Variants in TMEM263 observed in about 807,000 individuals in gnomAD.
TMEM263 encodes the protein transmembrane protein 263, also known as UPF0444 transmembrane protein C12orf23.
A neutral mutation model predicts 8.6 loss-of-function variants in TMEM263; 5 were observed. That is an observed-to-expected ratio of 0.58 (90% CI 0.31 to 1.23). The LOEUF (loss-of-function observed/expected upper bound fraction) is 1.23. Among genes scored for constraint, TMEM263 ranks in the 50% most tolerant of loss-of-function variants. The pLI, the probability that TMEM263 is intolerant of heterozygous loss-of-function variation, is 0.07. For synonymous variants in TMEM263, 50 were observed against 47.9 expected (o/e 1.04, Z -0.18); for missense variants, 104 against 138.8 (o/e 0.75, Z 1.26).
Position 106,955,958 on chromosome 12 carries a change from C to T in TMEM263, c.-182C>T. On this transcript the variant is annotated 5_prime_UTR_variant, in exon 1 of 4. Coordinates refer to ENST00000280756, the MANE Select transcript of TMEM263 (RefSeq NM_152261.4). ...AGGACGCCTCTGGAGCCGCGACTGC[C>T]CGGGGTTGTGCCGGCCGCCGCTGCC... The T allele has an allele frequency of 2.0e-6, 2 of 986,618 alleles. No homozygotes were observed. Among genetic ancestry groups the T allele is most frequent in the Non-Finnish European group, 2.4e-6 (2 of 831,020 alleles). The allele number at this position is 986,618 out of a possible 1,614,324, so 61.1% of individuals were successfully genotyped here. A position where few individuals can be genotyped will look rare whatever the true frequency, so the allele number is the denominator to read the frequency against.
At position 106,973,580 on chromosome 12, in the gene TMEM263, G is replaced by A. The variant is rs1208762830; in HGVS notation, c.*2189G>A. On this transcript the variant is annotated 3_prime_UTR_variant, in exon 4 of 4. Transcript: ENST00000280756. ...GTTTGTTCAGAGGGGCTTTTGCAAT[G>A]ATAGCAGAAAACTGTACAAATGTAC... 2 of 152,426 alleles carry A rather than the reference G, an allele frequency of 1.3e-5. No individual in the cohort carries two copies. Among genetic ancestry groups the A allele is most frequent in the Non-Finnish European group, 2.9e-5 (2 of 68,006 alleles). 9.4% of individuals were successfully genotyped at this position (152,426 alleles called of 1,614,324 possible). A position where few individuals can be genotyped will look rare whatever the true frequency, so the allele number is the denominator to read the frequency against.
rs1384564491 is a variant in TMEM263 at position 106,971,351 on chromosome 12, A to G, written c.311A>G (p.Lys104Arg). ...VTAVGSAVVN[K>R]VPLTGKKKDK... ...GCTGTTGGGTCTGCTGTTGTAAACAAAGTGCCCTTAACAGGAAAGAAGAAA... is the reference window on the plus strand; with the variant it reads ...GCTGTTGGGTCTGCTGTTGTAAACAGAGTGCCCTTAACAGGAAAGAAGAAA... Residue 104 changes from lysine (K) to arginine (R), a missense_variant, in exon 4 of 4, where the codon AAA becomes AGA. By Grantham distance (26) the Lys-to-Arg change is conservative. Transcript: ENST00000280756. 3.7e-6 allele frequency: 6 copies of G among 1,613,494 alleles called. No individual in the cohort carries two copies. The South Asian group carries it at 6.6e-5, about 18-fold the overall frequency.
At chr12:106,968,441 T>TA (rs1951874516) in intron 3 of TMEM263, among the ~76,000 whole-genome samples, 1 of 151,750 alleles carries the variant, frequency 6.6e-6, no homozygotes, top group Non-Finnish European at 1.5e-5. Flanking sequence ...GCCTGGAAAA[T>TA]TACTAACTCA....
chr12:106,962,739 A>G (rs1168396806), intron 2 of TMEM263, among the ~76,000 whole-genome samples: 2 of 152,218 alleles, frequency 1.3e-5, no homozygotes, highest in Non-Finnish European at 2.9e-5. Flanking sequence ...CAAGTCCTTC[A>G]TCTTCTCTCA....
intron 3 of TMEM263, among the ~76,000 whole-genome samples, chr12:106,968,152 G>T (rs1159619249): frequency 1.3e-5 from 2 of 152,104 alleles, no homozygotes; most frequent in Non-Finnish European, 2.9e-5. Flanking sequence ...GCTGGAGGTT[G>T]TGACTCTAGG....
intron 2 of TMEM263, among the ~76,000 whole-genome samples, chr12:106,962,644 C>T (rs933079452): frequency 4.6e-5 from 7 of 152,310 alleles, no homozygotes; most frequent in Middle Eastern, 3.4e-3. Context: ...CAACTTTATG[C>T]TGAATTTCTG....
chr12:106,965,445 A>T (rs1321769292), intron 2 of TMEM263, among the ~76,000 whole-genome samples: 1 of 151,998 alleles, frequency 6.6e-6, no homozygotes, highest in East Asian at 1.9e-4. Flanking sequence ...CATCTCTACT[A>T]AAAATACAAA....
rs749094798 is a variant in TMEM263, at chr12:106,967,098, G to GTT, written c.-6-4_-6-3dup. The GTT allele has an allele frequency of 5.4e-5, 71 of 1,312,860 alleles. No individual in the cohort carries two copies. Among genetic ancestry groups the GTT allele is most frequent in the African/African-American group, 1.5e-4 (10 of 65,926 alleles). The allele number at this position is 1,312,860 out of a possible 1,614,324, so 81.3% of individuals were successfully genotyped here. A position where few individuals can be genotyped will look rare whatever the true frequency, so the allele number is the denominator to read the frequency against. On this transcript the variant is annotated splice_polypyrimidine_tract_variant and intron_variant, in intron 2 of 3. Transcript: ENST00000280756. Reference sequence around the variant, plus strand: ...AGGTTAAAATGAAATGTGTTTGTATGTTTTTTTTTTAGGAGATCATGAATC... The same window carrying GTT: ...AGGTTAAAATGAAATGTGTTTGTATGTTTTTTTTTTTTAGGAGATCATGAATC...
chr12:106,960,462 C>T (rs1241123012), intron 2 of TMEM263, among the ~76,000 whole-genome samples: 1 of 152,020 alleles, frequency 6.6e-6, no homozygotes, highest in South Asian at 2.1e-4. Flanking sequence ...AGAGTTGCTG[C>T]TTTCTTGTTT....
intron 3 of TMEM263, 126 bp downstream of exon 3, chr12:106,967,306 T>A (rs1338866076): frequency 3.4e-6 from 2 of 594,050 alleles, no homozygotes; most frequent in South Asian, 4.9e-5. Flanking sequence ...CAACCCAGGC[T>A]GGAGTGCAAT....
At chr12:106,965,033 C>T (rs373300570) in intron 2 of TMEM263, among the ~76,000 whole-genome samples, 1 of 152,146 alleles carries the variant, frequency 6.6e-6, no homozygotes, top group East Asian at 1.9e-4. Flanking sequence ...CCATCTCACT[C>T]AGTTAAAAGC....
At chr12:106,960,470 T>A (rs1951756715) in intron 2 of TMEM263, among the ~76,000 whole-genome samples, 1 of 152,214 alleles carries the variant, frequency 6.6e-6, no homozygotes, top group South Asian at 2.1e-4. Context: ...TGCTTTCTTG[T>A]TTATTGATAA....
At chr12:106,970,468 A>T (rs1484739291) in intron 3 of TMEM263, among the ~76,000 whole-genome samples, 1 of 152,252 alleles carries the variant, frequency 6.6e-6, no homozygotes, top group Non-Finnish European at 1.5e-5. Context: ...GTTTGGATTA[A>T]TGCAAGACAG....
At chr12:106,969,458 G>A (rs987832142) in intron 3 of TMEM263, among the ~76,000 whole-genome samples, 6 of 152,176 alleles carry the variant, frequency 3.9e-5, no homozygotes, top group Admixed American at 3.9e-4. Context: ...CGGGCGCAGT[G>A]GCTCACGCCT....
intron 2 of TMEM263, among the ~76,000 whole-genome samples, chr12:106,965,433 C>G (rs952064241): frequency 1.3e-5 from 2 of 151,960 alleles, no homozygotes; most frequent in Non-Finnish European, 2.9e-5. Flanking sequence ...ATGGTGAAAC[C>G]CCATCTCTAC....
intron 2 of TMEM263, among the ~76,000 whole-genome samples, chr12:106,961,339 G>A (rs974072157): frequency 1.4e-5 from 2 of 146,552 alleles, no homozygotes; most frequent in African/African-American, 5.1e-5. Flanking sequence ...ACCTCCCAAA[G>A]TGCTGGGATT....
intron 2 of TMEM263, among the ~76,000 whole-genome samples, chr12:106,961,555 C>T (rs142187833): frequency 6.3e-4 from 96 of 152,084 alleles, no homozygotes; most frequent in Admixed American, 4.3e-3. Context: ...CAGGAGCCTA[C>T]CTAGTTGAGC....
rs1478687757 is a variant in TMEM263 at position 106,957,008 on chromosome 12, C to T, written c.-74-74C>T. ...AGGGTTCTTAATTTGATTTTTGCGTCCTTGTGAACACTGTGCTAATTCCAA... is the reference window on the plus strand; with the variant it reads ...AGGGTTCTTAATTTGATTTTTGCGTTCTTGTGAACACTGTGCTAATTCCAA... On this transcript the variant is annotated intron_variant, in intron 1 of 3. Coordinates refer to ENST00000280756, the MANE Select transcript of TMEM263 (RefSeq NM_152261.4). 1.1e-5 allele frequency: 10 copies of T among 898,584 alleles called. No homozygotes were observed. In the South Asian group the frequency reaches 4.6e-4, roughly 41 times the overall value. 55.7% of individuals were successfully genotyped at this position (898,584 alleles called of 1,614,324 possible).
At chr12:106,957,195 TG>T (rs1276166764) in intron 2 of TMEM263, 46 bp downstream of exon 2, 1 of 954,516 alleles carries the variant, frequency 1.0e-6, no homozygotes, top group Admixed American at 6.2e-5. Context: ...TGTGTGTGTG[TG>T]TGTGTGTGTG....
Sources: gnomAD v4.1 joint callset for allele counts (sites outside exome capture counted in the v4.1 genomes callset) on GRCh38, gnomAD v4.1.1 for gene constraint, MANE v1.5 for transcripts, NCBI Gene and HGNC (gene_info 2026-07-23, HGNC 2026-07-21) for gene names.